The following TBC1D1 variants were observed in gnomAD, a reference collection of about 807,000 sequenced individuals.
The protein encoded by TBC1D1 is TBC1 (tre-2/USP6, BUB2, cdc16) domain family, member 1.
Under a neutral mutation model 125.6 loss-of-function variants are expected in TBC1D1, and 89 were observed. The ratio of observed to expected loss-of-function variants is 0.71; its 90% CI spans 0.60 to 0.85. The LOEUF (loss-of-function observed/expected upper bound fraction) is 0.85, where lower values mean the gene tolerates loss of function less well. Among genes scored for constraint, TBC1D1 ranks in the 40% least tolerant of loss-of-function variants. The pLI, the probability that TBC1D1 is intolerant of heterozygous loss-of-function variation, is 0.00. For synonymous variants in TBC1D1, 565 were observed against 564.1 expected (o/e 1.00, Z -0.02); for missense variants, 1,377 against 1,469.2 (o/e 0.94, Z 1.03).
intron 2 of TBC1D1, among the ~76,000 whole-genome samples, chr4:37,965,043 C>T (rs935354703): frequency 6.6e-6 from 1 of 152,258 alleles, no homozygotes. Context: ...TACGCAGACA[C>T]TGCTCCACTG....
Position 38,018,457 on chromosome 4 carries a change from G to A in TBC1D1, c.972+14G>A, listed in dbSNP as rs374873959. The A allele has an allele frequency of 9.3e-6, 14 of 1,509,048 alleles. No individual in the cohort carries two copies. Among genetic ancestry groups the A allele is most frequent in the South Asian group, 1.2e-5 (1 of 83,384 alleles). The allele number at this position is 1,509,048 out of a possible 1,614,324, so 93.5% of individuals were successfully genotyped here. A position where few individuals can be genotyped will look rare whatever the true frequency, so the allele number is the denominator to read the frequency against. On this transcript the variant is annotated intron_variant, in intron 4 of 19. Coordinates refer to ENST00000261439, the MANE Select transcript of TBC1D1 (RefSeq NM_015173.4). ...TTTTGCTCTCAGGTAAATGGAGATG[G>A]GTTTTTTTATTCAATTGCAATGGAA...
intron 2 of TBC1D1, among the ~76,000 whole-genome samples, chr4:37,955,645 C>A (rs1033333338): frequency 6.6e-6 from 1 of 152,106 alleles, no homozygotes; most frequent in African/African-American, 2.4e-5. Flanking sequence ...TCCACAGATG[C>A]GAAACCCATG....
intron 15 of TBC1D1, chr4:38,110,857 G>A (rs1762085616): frequency 1.0e-6 from 1 of 976,986 alleles, no homozygotes; most frequent in Non-Finnish European, 1.2e-6. Context: ...CTGAGCTGGT[G>A]TCTTCCCGAG....
chr4:37,974,847 C>A (rs1440190578), intron 2 of TBC1D1, among the ~76,000 whole-genome samples: 2 of 152,254 alleles, frequency 1.3e-5, no homozygotes, highest in Non-Finnish European at 2.9e-5. Flanking sequence ...GCATGAGCCA[C>A]CACGCCCAGC....
intron 2 of TBC1D1, among the ~76,000 whole-genome samples, chr4:37,956,479 C>T (rs2152326114): frequency 6.6e-6 from 1 of 152,328 alleles, no homozygotes; most frequent in South Asian, 2.1e-4. Context: ...CCAGTAGGTG[C>T]TCAATACATA....
intron 2 of TBC1D1, among the ~76,000 whole-genome samples, chr4:37,979,152 C>G (rs141633643): frequency 1.9e-3 from 284 of 152,334 alleles, no homozygotes; most frequent in African/African-American, 6.2e-3. Flanking sequence ...GCTGGGGTTA[C>G]AGATGTGAGC....
In TBC1D1 at chr4:38,087,681, AAAATACAG is replaced by A. The variant is rs1757720639; in HGVS notation, c.2051-2246_2051-2239del. Among the ~76,000 whole-genome samples the A allele has an allele frequency of 2.0e-5, 3 of 151,754 alleles. No homozygotes were observed. In the South Asian group the frequency reaches 6.3e-4, roughly 32 times the overall value. ...ACATGGTGAAACCCCGTCTCAACTGAAAATACAGAAATTAGCAGGGCATGGTGGCGCAT... is the reference window on the plus strand; with the variant it reads ...ACATGGTGAAACCCCGTCTCAACTGAAAATTAGCAGGGCATGGTGGCGCAT... On this transcript the variant is annotated intron_variant, in intron 12 of 19. Transcript: ENST00000261439.
intron 3 of TBC1D1, among the ~76,000 whole-genome samples, chr4:38,015,285 G>A (rs757081706): frequency 5.3e-5 from 8 of 152,082 alleles, no homozygotes; most frequent in Non-Finnish European, 8.8e-5. Flanking sequence ...AAATATATAT[G>A]AATTTCAGAT....
intron 1 of TBC1D1, among the ~76,000 whole-genome samples, chr4:37,899,142 G>GGT (rs1560449980): frequency 6.6e-6 from 1 of 152,044 alleles, no homozygotes; most frequent in Admixed American, 6.6e-5. Flanking sequence ...TTTTCTCTAG[G>GGT]ACGAAAAAGA....
In TBC1D1 at chr4:37,977,610, G is replaced by T; in HGVS notation, c.418-36899G>T. On this transcript the variant is annotated intron_variant, in intron 2 of 19. Transcript: ENST00000261439. This position sits in a 1 kb window ranked among gnomAD's most constrained non-coding sequence, Gnocchi z 4.3. ...GGAACATTTGTAACCTTCGGGCCGG[G>T]GCTGGGCCGGGCCGCTGGAGGCCAG... 1 of 384,886 alleles carries T rather than the reference G, an allele frequency of 2.6e-6. No individual in the cohort carries two copies. Among genetic ancestry groups the T allele is most frequent in the Non-Finnish European group, 3.6e-6 (1 of 274,856 alleles). The allele number at this position is 384,886 out of a possible 1,614,324, so 23.8% of individuals were successfully genotyped here.
Position 38,075,683 on chromosome 4 carries a change from G to A in TBC1D1, c.2051-14249G>A, listed in dbSNP as rs564768774. ...AGCATTGTGTAATGGGATGGGTGGG[G>A]TTAGATATTTTAGTCACAGATGCAT... On this transcript the variant is annotated intron_variant, in intron 12 of 19. Coordinates refer to ENST00000261439, the MANE Select transcript of TBC1D1 (RefSeq NM_015173.4). Among the ~76,000 whole-genome samples, 12 of 152,278 alleles carry A rather than the reference G, an allele frequency of 7.9e-5. No homozygotes were observed. In the South Asian group the frequency reaches 2.5e-3, roughly 32 times the overall value.
intron 7 of TBC1D1, among the ~76,000 whole-genome samples, chr4:38,032,401 C>A (rs1050213141): frequency 3.3e-5 from 5 of 152,196 alleles, no homozygotes; most frequent in Non-Finnish European, 5.9e-5. Flanking sequence ...ATCATCCTGA[C>A]TTCTGACATC....
intron 2 of TBC1D1, among the ~76,000 whole-genome samples, chr4:37,970,647 C>T (rs1731841105): frequency 6.6e-6 from 1 of 152,240 alleles, no homozygotes; most frequent in Non-Finnish European, 1.5e-5. Flanking sequence ...CTTTTCCCTG[C>T]CTGAGCTTCC....
At chr4:37,999,630 C>T (rs1053511086) in intron 2 of TBC1D1, among the ~76,000 whole-genome samples, 1 of 151,976 alleles carries the variant, frequency 6.6e-6, no homozygotes, top group Non-Finnish European at 1.5e-5. Context: ...GGGGAGGAGA[C>T]ATTTGGGTTG....
At chr4:38,012,665 C>A (rs74828620) in intron 2 of TBC1D1, among the ~76,000 whole-genome samples, 3,283 of 152,190 alleles carry the variant, frequency 0.022, 50 homozygotes, top group Middle Eastern at 0.058. Context: ...TTCTCTCTGT[C>A]CTGTCTTCTT....
intron 8 of TBC1D1, among the ~76,000 whole-genome samples, chr4:38,043,439 A>C (rs954884902): frequency 2.6e-5 from 4 of 151,814 alleles, no homozygotes; most frequent in Non-Finnish European, 4.4e-5. Flanking sequence ...CTCTACAAAA[A>C]CTACAAAAAA....
chr4:37,907,279 C>T (rs184429966), intron 2 of TBC1D1, among the ~76,000 whole-genome samples: 4 of 152,318 alleles, frequency 2.6e-5, no homozygotes, highest in Admixed American at 2.6e-4. Context: ...AATGCTACAA[C>T]TCGACAAGTG....
chr4:38,003,514 A>G (rs1739470873), intron 2 of TBC1D1, among the ~76,000 whole-genome samples: 3 of 152,128 alleles, frequency 2.0e-5, no homozygotes, highest in Admixed American at 2.0e-4. Context: ...TTTGTCATTT[A>G]TTATTCGTTC....
chr4:37,909,364 G>A (rs1718058355), intron 2 of TBC1D1, among the ~76,000 whole-genome samples: 1 of 152,102 alleles, frequency 6.6e-6, no homozygotes, highest in Non-Finnish European at 1.5e-5. Flanking sequence ...TTTGAGTGTC[G>A]CTTTGTATCA....
Sources: gnomAD v4.1 joint callset for allele counts (sites outside exome capture counted in the v4.1 genomes callset) on GRCh38, gnomAD v4.1.1 for gene constraint, Gnocchi (gnomAD v3.1) non-coding constraint, MANE v1.5 for transcripts, NCBI Gene and HGNC (gene_info 2026-07-23, HGNC 2026-07-21) for gene names.